Variants in ASIC2 observed in about 807,000 individuals in gnomAD.
The protein encoded by ASIC2 is acid-sensing ion channel 2.
ASIC2 carries 25 observed loss-of-function variants against 57.3 expected under a neutral mutation model. The ratio of observed to expected loss-of-function variants is 0.44; its 90% CI spans 0.32 to 0.61. The LOEUF is 0.61. Among genes scored for constraint, ASIC2 ranks in the 20% least tolerant of loss-of-function variants. ASIC2 has a pLI of 0.06. For synonymous variants in ASIC2, 319 were observed against 307.5 expected, an observed-to-expected ratio of 1.04 and a Z score of -0.39; for missense variants, 641 against 738.1, an observed-to-expected ratio of 0.87 and a Z score of 1.52.
intron 1 of ASIC2, among the ~76,000 whole-genome samples, chr17:33,849,004 G>A (rs1913689405): frequency 6.6e-6 from 1 of 152,178 alleles, no homozygotes; most frequent in Non-Finnish European, 1.5e-5. Context: ...CCTGCCTACT[G>A]GCTGATTTCT....
chr17:33,234,697 T>C (rs1466207177), intron 1 of ASIC2, among the ~76,000 whole-genome samples: 1 of 152,248 alleles, frequency 6.6e-6, no homozygotes, highest in African/African-American at 2.4e-5. Context: ...ATTTCCTAAA[T>C]GGCATCTTCT....
intron 1 of ASIC2, among the ~76,000 whole-genome samples, chr17:33,846,356 T>C (rs1178251244): frequency 6.6e-6 from 1 of 152,162 alleles, no homozygotes; most frequent in African/African-American, 2.4e-5. Flanking sequence ...CAATAGCCAC[T>C]TGCTTCACCT....
chr17:33,469,153 C>A (rs1185265342), intron 1 of ASIC2, among the ~76,000 whole-genome samples: 1 of 152,182 alleles, frequency 6.6e-6, no homozygotes, highest in Non-Finnish European at 1.5e-5. Flanking sequence ...AAGCGCTTGG[C>A]AAAGACAGGT....
chr17:33,982,444 G>C (rs1905661188), intron 1 of ASIC2, among the ~76,000 whole-genome samples: 1 of 152,118 alleles, frequency 6.6e-6, no homozygotes, highest in Non-Finnish European at 1.5e-5. Flanking sequence ...CTCCAAGTGG[G>C]AGCTTCTTTA....
At chr17:33,079,169 A>G (rs1401982422) in intron 3 of ASIC2, among the ~76,000 whole-genome samples, 5 of 152,224 alleles carry the variant, frequency 3.3e-5, no homozygotes, top group Non-Finnish European at 2.9e-5. Context: ...GGCACCATGT[A>G]AAATATGAAG....
intron 1 of ASIC2, among the ~76,000 whole-genome samples, chr17:33,978,413 A>G (rs1057420342): frequency 7.2e-5 from 11 of 152,104 alleles, no homozygotes; most frequent in African/African-American, 2.7e-4. Context: ...CCTGCCTTTC[A>G]CTGACTGTGT....
intron 1 of ASIC2, among the ~76,000 whole-genome samples, chr17:34,139,694 C>T (rs540121467): frequency 6.6e-6 from 1 of 152,108 alleles, no homozygotes; most frequent in South Asian, 2.1e-4. Context: ...TACAAAATAT[C>T]CAGAATGGGA....
At chr17:33,325,528 G>A (rs1202255702) in intron 1 of ASIC2, among the ~76,000 whole-genome samples, 1 of 152,144 alleles carries the variant, frequency 6.6e-6, no homozygotes, top group African/African-American at 2.4e-5. Context: ...AATGCCCTGA[G>A]AGCAAGACAG....
At chr17:33,710,310 C>A (rs1344611673) in intron 1 of ASIC2, among the ~76,000 whole-genome samples, 1 of 152,144 alleles carries the variant, frequency 6.6e-6, no homozygotes, top group Admixed American at 6.5e-5. Flanking sequence ...AGTTACTGAC[C>A]ATCTATTATG....
At chr17:33,619,498 C>A (rs1905712382) in intron 1 of ASIC2, among the ~76,000 whole-genome samples, 1 of 152,208 alleles carries the variant, frequency 6.6e-6, no homozygotes, top group Middle Eastern at 3.4e-3. Context: ...GGAGAGAGAG[C>A]ACGAATTCAC....
intron 1 of ASIC2, among the ~76,000 whole-genome samples, chr17:33,719,146 G>T (rs1417236368): frequency 6.6e-6 from 1 of 152,180 alleles, no homozygotes; most frequent in African/African-American, 2.4e-5. Flanking sequence ...CACCAGAGAG[G>T]AAATCAGACC....
chr17:33,585,960 G>A (rs1472265388), intron 1 of ASIC2, among the ~76,000 whole-genome samples: 4 of 152,164 alleles, frequency 2.6e-5, no homozygotes, highest in African/African-American at 7.2e-5. Context: ...CACAGTATAA[G>A]ACTAAGTAAC....
intron 1 of ASIC2, among the ~76,000 whole-genome samples, chr17:33,599,317 A>G (rs1905067457): frequency 6.6e-6 from 1 of 152,180 alleles, no homozygotes; most frequent in Non-Finnish European, 1.5e-5. Context: ...AAGGTTGGGG[A>G]GGCCACAGCC....
intron 1 of ASIC2, among the ~76,000 whole-genome samples, chr17:33,549,192 T>C (rs1420703372): frequency 2.0e-5 from 3 of 152,140 alleles, no homozygotes; most frequent in South Asian, 2.1e-4. Flanking sequence ...AAAATGGCAG[T>C]GGAGCAAGAA....
rs1907110015 is a variant in ASIC2 at position 33,657,391 on chromosome 17, A to G, written c.555+498587T>C. Among the ~76,000 whole-genome samples, 2 of 152,314 alleles carry G rather than the reference A, an allele frequency of 1.3e-5. 1 individual carries two copies. Among genetic ancestry groups the G allele is most frequent in the South Asian group, 4.1e-4 (2 of 4,828 alleles). ...GGAGCCATTGTTCTGAACAGGGGCCATGAGGCAGCTGGGACTGGCCGACCC... is the reference window on the plus strand; with the variant it reads ...GGAGCCATTGTTCTGAACAGGGGCCGTGAGGCAGCTGGGACTGGCCGACCC... On this transcript the variant is annotated intron_variant, in intron 1 of 9. Coordinates refer to the ASIC2 transcript ENST00000359872.
At chr17:34,093,455 C>T (rs1183178538) in intron 1 of ASIC2, among the ~76,000 whole-genome samples, 2 of 152,230 alleles carry the variant, frequency 1.3e-5, no homozygotes, top group African/African-American at 4.8e-5. Flanking sequence ...CCCACAAAGT[C>T]CTATGTGACT....
rs148342310 is a variant in ASIC2, at chr17:33,481,851, C to A, written c.556-369784G>T. On this transcript the variant is annotated intron_variant, in intron 1 of 9. Coordinates refer to the ASIC2 transcript ENST00000359872. Reference sequence around the variant, plus strand: ...GCCGCTCCATTACCTCCCATCCATGCCTCCATCCCCTGCCACTTGGCTTCA... The same window carrying A: ...GCCGCTCCATTACCTCCCATCCATGACTCCATCCCCTGCCACTTGGCTTCA... 2.8e-4 allele frequency among the ~76,000 whole-genome samples: 42 copies of A among 152,330 alleles called. 1 individual carries two copies. The East Asian group carries it at 7.7e-3, about 28-fold the overall frequency.
chr17:33,918,040 A>C (rs1597929299), intron 1 of ASIC2, among the ~76,000 whole-genome samples: 1 of 151,998 alleles, frequency 6.6e-6, no homozygotes, highest in African/African-American at 2.4e-5. Flanking sequence ...TCCCAATATT[A>C]TTTTTGCTTT....
chr17:34,083,029 T>C (rs557510640), intron 1 of ASIC2, among the ~76,000 whole-genome samples: 2 of 152,202 alleles, frequency 1.3e-5, no homozygotes, highest in East Asian at 3.9e-4. Context: ...CTATTTTTTT[T>C]TTATCATTAT....
Sources: allele counts gnomAD v4.1 joint callset (sites outside exome capture counted in the v4.1 genomes callset), GRCh38; gene constraint gnomAD v4.1.1; transcripts MANE v1.5; gene names NCBI Gene and HGNC (gene_info 2026-07-23, HGNC 2026-07-21).